CFAP46: variants seen among roughly 807,000 people sequenced by gnomAD.
CFAP46 encodes the protein cilia and flagella associated protein 46, also known as cilia- and flagella-associated protein 46.
Under a neutral mutation model 325.7 loss-of-function variants are expected in CFAP46, and 245 were observed. That is an observed-to-expected ratio of 0.75 (90% CI 0.68 to 0.84). The LOEUF (loss-of-function observed/expected upper bound fraction) is 0.84, where lower values mean the gene tolerates loss of function less well. CFAP46 is among the 40% of genes least tolerant of loss of function. The pLI is 0.00. For synonymous variants in CFAP46, 1,523 were observed against 1,495.9 expected, an observed-to-expected ratio of 1.02 and a Z score of -0.42; for missense variants, 3,346 against 3,543.0, an observed-to-expected ratio of 0.94 and a Z score of 1.41.
intron 45 of CFAP46, 122 bp downstream of exon 45, chr10:132,836,695 T>C: frequency 1.2e-6 from 1 of 830,048 alleles, no homozygotes; most frequent in Non-Finnish European, 2.0e-6. Flanking sequence ...GTCCGGGCGT[T>C]TCCCGAGTCC....
rs1564807413 is a variant in CFAP46 at position 132,939,737 on chromosome 10, C to T, written c.372-984G>A. ...GGGGTCATCATGGGACTCCAGCGGC[C>T]TGCTGCGTCTCCCTGAGTGCTGCGT... On this transcript the variant is annotated intron_variant, in intron 4 of 57. Coordinates refer to ENST00000368586, the MANE Select transcript of CFAP46 (RefSeq NM_001200049.3). This position sits in a 1 kb window ranked among gnomAD's most constrained non-coding sequence, Gnocchi z 4.6. Among the ~76,000 whole-genome samples, 8 of 152,096 alleles carry T rather than the reference C, an allele frequency of 5.3e-5. No homozygotes were observed. Among genetic ancestry groups the T allele is most frequent in the Non-Finnish European group, 1.2e-4 (8 of 68,012 alleles).
At position 132,924,203 on chromosome 10, in the gene CFAP46, C is replaced by A. The variant is rs1849771355; in HGVS notation, c.1256+493G>T. Among the ~76,000 whole-genome samples, 2 of 150,304 alleles carry A rather than the reference C, an allele frequency of 1.3e-5. 1 individual carries two copies. The highest frequency in any genetic ancestry group is 5.0e-5 in the African/African-American group (2 of 40,372). ...CTGCCATGGTCCACCCTGATGCCTG[C>A]CGCCTGCCTGCCATGGTCCACCCTG... On this transcript the variant is annotated intron_variant, in intron 11 of 57. Coordinates refer to ENST00000368586, the MANE Select transcript of CFAP46 (RefSeq NM_001200049.3).
intron 35 of CFAP46, among the ~76,000 whole-genome samples, chr10:132,863,923 A>C (rs2135251956): frequency 7.0e-6 from 1 of 142,428 alleles, no homozygotes; most frequent in East Asian, 2.2e-4. Flanking sequence ...TGAGACATGC[A>C]CACACCTCTC....
chr10:132,916,261 G>GA (rs201888500), intron 17 of CFAP46, among the ~76,000 whole-genome samples: 15 of 152,062 alleles, frequency 9.9e-5, no homozygotes, highest in South Asian at 2.1e-4. Flanking sequence ...GAGCAAGAGG[G>GA]ACACTACAGG....
intron 38 of CFAP46, 45 bp downstream of exon 38, chr10:132,859,026 A>G (rs1848687627): frequency 6.5e-7 from 1 of 1,527,414 alleles, no homozygotes; most frequent in Non-Finnish European, 8.8e-7. Flanking sequence ...GTTGTGTGTA[A>G]GAGAAGCAGT....
Position 132,847,090 on chromosome 10 carries a change from G to C in CFAP46, c.6109C>G (p.Gln2037Glu), listed in dbSNP as rs766406936. The part of the protein sequence containing the change: ...DLKRRMVLAQ[Q>E]YLAQASEVLL... ...ACCTCTGACGCCTGAGCCAGGTACT[G>C]CTGGGCCAGAACCATCCTCCTCTGT... Residue 2037 changes from glutamine to glutamate, a missense_variant, in exon 43 of 58, where the codon CAG (glutamine) becomes GAG (glutamate). Coordinates refer to ENST00000368586, the MANE Select transcript of CFAP46 (RefSeq NM_001200049.3). This position sits in a 1 kb window ranked among gnomAD's most constrained non-coding sequence, Gnocchi z 5.2. 6.2e-6 allele frequency: 10 copies of C among 1,611,482 alleles called. No homozygotes were observed. In the African/African-American group the frequency reaches 1.2e-4, roughly 19 times the overall value.
chr10:132,915,020 T>C (rs529627844), intron 17 of CFAP46, among the ~76,000 whole-genome samples: 88 of 152,404 alleles, frequency 5.8e-4, no homozygotes, highest in African/African-American at 2.1e-3. Flanking sequence ...CGTGTGGACG[T>C]GGACAGGGTC....
intron 41 of CFAP46, among the ~76,000 whole-genome samples, chr10:132,848,201 C>T (rs914431045): frequency 6.6e-6 from 1 of 152,136 alleles, no homozygotes; most frequent in African/African-American, 2.4e-5. Flanking sequence ...CCGTGAGAAA[C>T]AGTCGCCTTG....
chr10:132,821,525 CTGATGT>C (rs1847828209), intron 50 of CFAP46, among the ~76,000 whole-genome samples: 1 of 101,638 alleles, frequency 9.8e-6, no homozygotes. Context: ...GTGCTGTGTG[CTGATGT>C]GTGCTGATGT....
Position 132,858,555 on chromosome 10 carries a change from C to A in CFAP46, c.5375+516G>T, listed in dbSNP as rs1277049701. ...ACGGCTGGCATCAGGGCTGTGCTGG[C>A]CCTGCCCTCGGTGGGAGCAGCCCCT... On this transcript the variant is annotated intron_variant, in intron 38 of 57. Transcript: ENST00000368586. Among the ~76,000 whole-genome samples, 4 of 152,078 alleles carry A rather than the reference C, an allele frequency of 2.6e-5. No individual in the cohort carries two copies. The East Asian group carries it at 7.8e-4, about 30-fold the overall frequency.
intron 36 of CFAP46, 129 bp from the exon 37 acceptor site, chr10:132,860,652 G>T: frequency 8.3e-7 from 1 of 1,202,348 alleles, no homozygotes; most frequent in Non-Finnish European, 1.2e-6. Context: ...GTGTGTCTGA[G>T]GGTGGGGCAG....
intron 22 of CFAP46, among the ~76,000 whole-genome samples, chr10:132,907,698 T>G (rs2135518954): frequency 6.6e-6 from 1 of 152,296 alleles, no homozygotes; most frequent in African/African-American, 2.4e-5. Flanking sequence ...AAAATTCCCA[T>G]GCTGGGCGAT....
At chr10:132,885,479 T>G (rs538042342) in intron 26 of CFAP46, among the ~76,000 whole-genome samples, 193 bp from the exon 27 acceptor site, 2 of 151,746 alleles carry the variant, frequency 1.3e-5, no homozygotes, top group South Asian at 4.2e-4. Context: ...TATGCAGGGT[T>G]TTCAGTCCCC....
chr10:132,842,432 A>G (rs1305928766), intron 44 of CFAP46, among the ~76,000 whole-genome samples: 1 of 152,154 alleles, frequency 6.6e-6, no homozygotes. Context: ...AGAGTTCCAA[A>G]CTTTCCCTTG....
intron 22 of CFAP46, 95 bp downstream of exon 22, chr10:132,908,373 G>T: frequency 1.4e-6 from 2 of 1,418,088 alleles, no homozygotes; most frequent in Non-Finnish European, 1.9e-6. Context: ...GGGAACTGGT[G>T]GGGCGCTCAC....
chr10:132,880,796 G>A (rs375836235), intron 28 of CFAP46, 65 bp downstream of exon 28: 92 of 1,504,472 alleles, frequency 6.1e-5, no homozygotes, highest in African/African-American at 4.8e-4. Flanking sequence ...TCCAGATCAC[G>A]GAGCAGGAAG....
rs1849813896 is a variant in CFAP46 at position 132,926,499 on chromosome 10, T to C, written c.1065+69A>G. On this transcript the variant is annotated intron_variant, in intron 10 of 57. Transcript: ENST00000368586. The stretch of plus-strand genomic sequence containing the variant: ...CAGCACCCTCAAGCCTGGGACACAC[T>C]CAACTTGCACCAAGCTCCAGGAATC... The C allele has an allele frequency of 3.4e-6, 4 of 1,166,634 alleles. No individual in the cohort carries two copies. The South Asian group carries it at 5.2e-5, about 15-fold the overall frequency. The allele number at this position is 1,166,634 out of a possible 1,614,324, so 72.3% of individuals were successfully genotyped here.
chr10:132,917,102 G>A (rs1286404995), intron 16 of CFAP46, among the ~76,000 whole-genome samples: 3 of 152,254 alleles, frequency 2.0e-5, no homozygotes, highest in South Asian at 2.1e-4. Flanking sequence ...CGTGGCCGCC[G>A]CTGGCTCTGG....
chr10:132,820,669 T>G lies in CFAP46; in HGVS notation c.7118-5755A>C, dbSNP rs369847461. On this transcript the variant is annotated intron_variant, in intron 50 of 57. Coordinates refer to ENST00000368586, the MANE Select transcript of CFAP46 (RefSeq NM_001200049.3). ...GCTGTGAGTGCTGATGTGTGCTGTGTGTGCACTGATGTGTGCTGTGTGTGC... is the reference window on the plus strand; with the variant it reads ...GCTGTGAGTGCTGATGTGTGCTGTGGGTGCACTGATGTGTGCTGTGTGTGC... 4.0e-4 allele frequency among the ~76,000 whole-genome samples: 54 copies of G among 135,382 alleles called. No homozygotes were observed. The East Asian group carries it at 9.1e-3, about 23-fold the overall frequency. 88.8% of individuals were successfully genotyped at this position (135,382 alleles called of 152,430 possible).
Sources: gnomAD v4.1 joint callset for allele counts (sites outside exome capture counted in the v4.1 genomes callset) on GRCh38, gnomAD v4.1.1 for gene constraint, Gnocchi (gnomAD v3.1) non-coding constraint, MANE v1.5 for transcripts, NCBI Gene and HGNC (gene_info 2026-07-23, HGNC 2026-07-21) for gene names.